The following MARCHF4 variants were observed in gnomAD, a reference collection of about 807,000 sequenced individuals.
MARCHF4 encodes E3 ubiquitin-protein ligase MARCHF4.
A neutral mutation model predicts 43.9 loss-of-function variants in MARCHF4; 14 were observed. The ratio of observed to expected loss-of-function variants is 0.32; its 90% CI spans 0.21 to 0.50. The LOEUF (loss-of-function observed/expected upper bound fraction) is 0.50, where lower values mean the gene tolerates loss of function less well. Ranked by LOEUF, MARCHF4 falls within the 20% of genes least tolerant of loss-of-function variation. MARCHF4 has a pLI of 0.98. For synonymous variants in MARCHF4, 226 were observed against 213.3 expected, an observed-to-expected ratio of 1.06 and a Z score of -0.52; for missense variants, 468 against 536.7, an observed-to-expected ratio of 0.87 and a Z score of 1.27.
intron 1 of MARCHF4, among the ~76,000 whole-genome samples, chr2:216,342,794 C>T (rs567344685): frequency 1.2e-4 from 18 of 152,202 alleles, no homozygotes; most frequent in Non-Finnish European, 2.4e-4. Context: ...CCGCACGGTA[C>T]ACCCTCCCTT....
chr2:216,264,244 T>C (rs570382907), intron 3 of MARCHF4, among the ~76,000 whole-genome samples: 1 of 152,116 alleles, frequency 6.6e-6, no homozygotes, highest in Admixed American at 6.5e-5. Flanking sequence ...TCACACCCCT[T>C]TGAGGATCTA....
rs115805491 is a variant in MARCHF4, at chr2:216,345,148, A to G, written c.516+24597T>C. On this transcript the variant is annotated intron_variant, in intron 1 of 3. Transcript: ENST00000273067. ...AGTAAAGAAACAAAAGAAAGGCTGA[A>G]TAGTGGGAGGTCCAGTGTAGATCCC... 5.5e-3 allele frequency among the ~76,000 whole-genome samples: 833 copies of G among 152,058 alleles called. 5 individuals carry two copies. Among genetic ancestry groups the G allele is most frequent in the African/African-American group, 0.019 (776 of 41,494 alleles).
At chr2:216,358,268 C>T (rs1692530110) in intron 1 of MARCHF4, among the ~76,000 whole-genome samples, 1 of 152,172 alleles carries the variant, frequency 6.6e-6, no homozygotes, top group Non-Finnish European at 1.5e-5. Flanking sequence ...GCAGTTCTGC[C>T]TGACTCTACA....
intron 1 of MARCHF4, among the ~76,000 whole-genome samples, chr2:216,330,159 G>T (rs1692063927): frequency 6.6e-6 from 1 of 151,834 alleles, no homozygotes; most frequent in Non-Finnish European, 1.5e-5. Flanking sequence ...CTGATACCAG[G>T]CAAAGTAGAT....
chr2:216,354,079 A>G (rs1055387264), intron 1 of MARCHF4, among the ~76,000 whole-genome samples: 9 of 152,202 alleles, frequency 5.9e-5, no homozygotes, highest in Non-Finnish European at 1.2e-4. Context: ...CCAGACTTCT[A>G]GGCTGCTATT....
chr2:216,320,105 A>G (rs1195857412), intron 1 of MARCHF4, among the ~76,000 whole-genome samples: 5 of 152,220 alleles, frequency 3.3e-5, no homozygotes, highest in African/African-American at 1.2e-4. Flanking sequence ...CCACAGAACT[A>G]AGATTACTGT....
At chr2:216,334,745 C>T (rs1692133885) in intron 1 of MARCHF4, among the ~76,000 whole-genome samples, 1 of 152,102 alleles carries the variant, frequency 6.6e-6, no homozygotes, top group Non-Finnish European at 1.5e-5. Flanking sequence ...AGTACAGCAG[C>T]AATGGAAAAC....
At chr2:216,307,177 G>A (rs1295296255) in intron 1 of MARCHF4, among the ~76,000 whole-genome samples, 1 of 152,168 alleles carries the variant, frequency 6.6e-6, no homozygotes. Context: ...GCCCTCTCAG[G>A]TGTGCCTCTC....
chr2:216,289,310 ATT>A (rs1184447446), intron 1 of MARCHF4, among the ~76,000 whole-genome samples: 1 of 143,488 alleles, frequency 7.0e-6, no homozygotes, highest in African/African-American at 2.7e-5. Flanking sequence ...CTAAAAATAT[ATT>A]GTTTTTGTTG....
intron 1 of MARCHF4, among the ~76,000 whole-genome samples, chr2:216,323,698 T>G (rs1250280520): frequency 2.0e-5 from 3 of 152,266 alleles, no homozygotes; most frequent in Admixed American, 6.5e-5. Context: ...CTGAACAACC[T>G]GCTCCTGAAT....
intron 3 of MARCHF4, chr2:216,265,980 T>C (rs1559281022): frequency 2.0e-5 from 3 of 152,236 alleles, no homozygotes. Flanking sequence ...ACATGGTTTT[T>C]ATTCCTCATA....
intron 1 of MARCHF4, among the ~76,000 whole-genome samples, chr2:216,338,599 T>A (rs978907771): frequency 6.6e-6 from 1 of 152,084 alleles, no homozygotes; most frequent in Non-Finnish European, 1.5e-5. Context: ...CTACATTCCA[T>A]CTCTGCTCCG....
At chr2:216,259,862 C>T in intron 3 of MARCHF4, 183 bp from the exon 4 acceptor site, 3 of 613,500 alleles carry the variant, frequency 4.9e-6, no homozygotes, top group East Asian at 5.5e-5. Context: ...GGAGGGGCCA[C>T]CAGACCGAGT....
intron 2 of MARCHF4, among the ~76,000 whole-genome samples, chr2:216,281,722 C>T (rs1691131336): frequency 6.6e-6 from 1 of 152,168 alleles, no homozygotes; most frequent in Admixed American, 6.5e-5. Flanking sequence ...ATTTACTGAG[C>T]ACACACAATT....
rs530236063 is a variant in MARCHF4 at position 216,334,422 on chromosome 2, T to G, written c.516+35323A>C. Among the ~76,000 whole-genome samples, 418 of 152,202 alleles carry G rather than the reference T, an allele frequency of 2.7e-3. 2 individuals carry two copies. The highest frequency in any genetic ancestry group is 9.8e-3 in the African/African-American group (407 of 41,530). On this transcript the variant is annotated intron_variant, in intron 1 of 3. Coordinates refer to ENST00000273067, the MANE Select transcript of MARCHF4 (RefSeq NM_020814.3). ...GGTGATATGCTAACATCTTTTTTTT[T>G]TGGGGTCTTGCTCTGTTGCCCAGGG... is the stretch of plus-strand genomic sequence containing the variant.
chr2:216,334,893 T>C (rs1170056969), intron 1 of MARCHF4, among the ~76,000 whole-genome samples: 1 of 152,254 alleles, frequency 6.6e-6, no homozygotes, highest in African/African-American at 2.4e-5. Context: ...CCAAATTTAC[T>C]GATTTACAAC....
chr2:216,343,144 C>T (rs1559103998), intron 1 of MARCHF4, among the ~76,000 whole-genome samples: 1 of 152,242 alleles, frequency 6.6e-6, no homozygotes, highest in Non-Finnish European at 1.5e-5. Context: ...ATATTTCATT[C>T]AGCAGGCAAT....
chr2:216,302,673 G>A (rs945018311), intron 1 of MARCHF4, among the ~76,000 whole-genome samples: 49 of 151,692 alleles, frequency 3.2e-4, no homozygotes, highest in African/African-American at 1.0e-3. Flanking sequence ...TGAGGTGGGC[G>A]GATCACTTGA....
At chr2:216,308,099 T>C (rs774716322) in intron 1 of MARCHF4, among the ~76,000 whole-genome samples, 3 of 151,812 alleles carry the variant, frequency 2.0e-5, no homozygotes, top group Non-Finnish European at 4.4e-5. Context: ...GGAGAAAATA[T>C]GTGTTTAGAC....
Sources: allele counts gnomAD v4.1 joint callset (sites outside exome capture counted in the v4.1 genomes callset), GRCh38; gene constraint gnomAD v4.1.1; transcripts MANE v1.5; gene names NCBI Gene and HGNC (gene_info 2026-07-23, HGNC 2026-07-21).